The following CERS6 variants were observed in gnomAD, a reference collection of about 807,000 sequenced individuals.
CERS6 encodes the protein LAG1 homolog, ceramide synthase 6.
CERS6 carries 26 observed loss-of-function variants against 56.8 expected under a neutral mutation model. That is an observed-to-expected ratio of 0.46 (90% confidence interval 0.34 to 0.63). CERS6 has a LOEUF of 0.63. Ranked by LOEUF, CERS6 falls within the 30% of genes least tolerant of loss-of-function variation. CERS6 has a pLI of 0.01. For missense variants in CERS6, 415 were observed against 467.5 expected, an observed-to-expected ratio of 0.89 and a Z score of 1.04; for synonymous variants, 164 against 173.3, an observed-to-expected ratio of 0.95 and a Z score of 0.42.
intron 3 of CERS6, among the ~76,000 whole-genome samples, chr2:168,612,939 T>C (rs1226826193): frequency 6.6e-6 from 1 of 152,192 alleles, no homozygotes; most frequent in East Asian, 1.9e-4. Flanking sequence ...GGCTTACAGG[T>C]CTGGCTGTGG....
chr2:168,550,329 C>T (rs1695543424), intron 2 of CERS6, among the ~76,000 whole-genome samples: 1 of 152,120 alleles, frequency 6.6e-6, no homozygotes, highest in African/African-American at 2.4e-5. Context: ...GTGTGGGCCA[C>T]CACACCTGGC....
chr2:168,644,780 A>T (rs7605222), intron 4 of CERS6, among the ~76,000 whole-genome samples: 2 of 151,698 alleles, frequency 1.3e-5, no homozygotes, highest in Admixed American at 6.6e-5. Context: ...GAGATAAGCA[A>T]CATGTTCTCA....
At chr2:168,577,623 G>A (rs1045476922) in intron 3 of CERS6, among the ~76,000 whole-genome samples, 2 of 152,208 alleles carry the variant, frequency 1.3e-5, no homozygotes, top group African/African-American at 2.4e-5. Context: ...AGGCGCTGGG[G>A]TGTGGAGCAC....
chr2:168,743,180 GTATGTGTGTGTGTATATATA>G (rs1683972467), intron 8 of CERS6, among the ~76,000 whole-genome samples: 2 of 150,554 alleles, frequency 1.3e-5, no homozygotes, highest in Non-Finnish European at 2.9e-5. Context: ...ATGTGTGTGT[GTATGTGTGTGTGTATATATA>G]TATGTGTGTG....
intron 3 of CERS6, among the ~76,000 whole-genome samples, chr2:168,620,780 T>A (rs1013898556): frequency 7.6e-6 from 1 of 131,286 alleles, no homozygotes; most frequent in Non-Finnish European, 1.6e-5. Context: ...TTTTTTTTTT[T>A]AAGACAAGGT....
chr2:168,582,753 G>T (rs1195422471), intron 3 of CERS6, among the ~76,000 whole-genome samples: 2 of 152,148 alleles, frequency 1.3e-5, no homozygotes, highest in Non-Finnish European at 2.9e-5. Context: ...GACTGCTGCA[G>T]TTTACTGAAA....
chr2:168,539,896 A>T (rs1030523753), intron 1 of CERS6, among the ~76,000 whole-genome samples: 1 of 152,148 alleles, frequency 6.6e-6, no homozygotes, highest in Admixed American at 6.5e-5. Flanking sequence ...TAACTGTTTC[A>T]TCTGTTATTA....
chr2:168,553,987 G>A (rs776118531), intron 2 of CERS6, among the ~76,000 whole-genome samples: 7 of 152,136 alleles, frequency 4.6e-5, no homozygotes, highest in Non-Finnish European at 7.4e-5. Flanking sequence ...TAAATGCTAA[G>A]AAAGATAATA....
intron 4 of CERS6, among the ~76,000 whole-genome samples, chr2:168,675,847 C>T (rs951997829): frequency 3.3e-5 from 5 of 151,814 alleles, no homozygotes; most frequent in Non-Finnish European, 5.9e-5. Flanking sequence ...CCACCATGCC[C>T]AGCTAATTTT....
chr2:168,623,103 C>G (rs1207757321), intron 3 of CERS6, among the ~76,000 whole-genome samples: 1 of 152,152 alleles, frequency 6.6e-6, no homozygotes, highest in Non-Finnish European at 1.5e-5. Flanking sequence ...GAAAAGGAGA[C>G]TACTGACCTA....
chr2:168,484,974 G>A (rs1694249763), intron 1 of CERS6, among the ~76,000 whole-genome samples: 1 of 152,126 alleles, frequency 6.6e-6, no homozygotes, highest in Admixed American at 6.5e-5. Context: ...TAGGCATATT[G>A]GAAGTTAATG....
intron 6 of CERS6, among the ~76,000 whole-genome samples, chr2:168,706,047 G>GTGATAGAGA (rs1686932494): frequency 1.3e-5 from 2 of 152,186 alleles, no homozygotes. Context: ...GATTTAGCAA[G>GTGATAGAGA]GCTCGTAGTG....
At chr2:168,733,407 T>C (rs1338894256) in intron 8 of CERS6, among the ~76,000 whole-genome samples, 1 of 152,198 alleles carries the variant, frequency 6.6e-6, no homozygotes, top group Non-Finnish European at 1.5e-5. Context: ...ATGGAGATTG[T>C]TTTCCCCTTA....
rs1160024194 is a variant in CERS6 at position 168,620,014 on chromosome 2, TACACACAC to T, written c.408-10929_408-10922del. Among the ~76,000 whole-genome samples, 458 of 61,240 alleles carry T rather than the reference TACACACAC, an allele frequency of 7.5e-3. 2 individuals are homozygous for T. Among genetic ancestry groups the T allele is most frequent in the African/African-American group, 0.018 (420 of 23,070 alleles). The allele number at this position is 61,240 out of a possible 152,430, so 40.2% of individuals were successfully genotyped here. On this transcript the variant is annotated intron_variant, in intron 3 of 9. Coordinates refer to ENST00000305747, the MANE Select transcript of CERS6 (RefSeq NM_203463.3). ...GCATTTGGGCTGGTTCCACAATCCA[TACACACAC>T]ACACACACACACACACACACACACA...
At chr2:168,579,275 G>A (rs1304867095) in intron 3 of CERS6, among the ~76,000 whole-genome samples, 1 of 152,150 alleles carries the variant, frequency 6.6e-6, no homozygotes, top group Non-Finnish European at 1.5e-5. Flanking sequence ...GTGGAGTTGG[G>A]GGGGCACTGG....
intron 6 of CERS6, among the ~76,000 whole-genome samples, chr2:168,706,227 G>A (rs1008900398): frequency 2.6e-5 from 4 of 152,208 alleles, no homozygotes; most frequent in Non-Finnish European, 5.9e-5. Flanking sequence ...CAAGCTCCAT[G>A]CTCTGGCCAG....
At chr2:168,624,108 C>T (rs1684536366) in intron 3 of CERS6, among the ~76,000 whole-genome samples, 3 of 152,152 alleles carry the variant, frequency 2.0e-5, no homozygotes, top group Non-Finnish European at 1.5e-5. Context: ...CGAATCGTTG[C>T]ATTCAGTGAG....
intron 9 of CERS6, chr2:168,766,359 CCTCT>C (rs889710263): frequency 1.3e-6 from 2 of 1,597,128 alleles, no homozygotes; most frequent in Non-Finnish European, 1.7e-6. Context: ...AGTTTCTCCT[CCTCT>C]CTCTCTATCC....
chr2:168,629,251 A>G (rs1224770543), intron 3 of CERS6, among the ~76,000 whole-genome samples: 2 of 152,200 alleles, frequency 1.3e-5, no homozygotes, highest in Non-Finnish European at 2.9e-5. Context: ...ATACATAAAA[A>G]CTGCCTGATC....
Sources: allele counts gnomAD v4.1 joint callset (sites outside exome capture counted in the v4.1 genomes callset), GRCh38; gene constraint gnomAD v4.1.1; transcripts MANE v1.5; gene names NCBI Gene and HGNC (gene_info 2026-07-23, HGNC 2026-07-21).